BMP1: variants seen among roughly 807,000 people sequenced by gnomAD.
The protein encoded by BMP1 is mammalian tolloid protein.
In BMP1, 63 loss-of-function variants were observed where a neutral mutation model predicts 116.8. That is an observed-to-expected ratio of 0.54 (90% CI 0.44 to 0.67). BMP1 has a LOEUF of 0.67. Among genes scored for constraint, BMP1 ranks in the 30% least tolerant of loss-of-function variants. The pLI is 0.00. For missense variants in BMP1, 1,183 were observed against 1,358.9 expected, an observed-to-expected ratio of 0.87 and a Z score of 2.04; for synonymous variants, 536 against 533.4, an observed-to-expected ratio of 1.00 and a Z score of -0.07.
chr8:22,203,746 G>A (rs1224801137), intron 16 of BMP1, among the ~76,000 whole-genome samples: 2 of 152,128 alleles, frequency 1.3e-5, no homozygotes, highest in Admixed American at 1.3e-4. Flanking sequence ...GTGAACCAGT[G>A]GACAGTCGAG....
intron 18 of BMP1, 93 bp downstream of exon 18, chr8:22,207,609 G>GGACT (rs1829388450): frequency 1.4e-6 from 2 of 1,429,436 alleles, no homozygotes; most frequent in Non-Finnish European, 1.9e-6. Flanking sequence ...AGGTACAGAG[G>GGACT]GACTGAGCCC....
At position 22,197,320 on chromosome 8, in the gene BMP1, GA is replaced by G; in HGVS notation, c.2009del (p.Lys670SerfsTer82). The G allele has an allele frequency of 6.2e-7, 1 of 1,614,090 alleles. No homozygotes were observed. Among genetic ancestry groups the G allele is most frequent in the Non-Finnish European group, 8.5e-7 (1 of 1,179,962 alleles). On this transcript the variant is annotated frameshift_variant, in exon 15 of 20. Coordinates refer to ENST00000306385, the MANE Select transcript of BMP1 (RefSeq NM_006129.5). LOFTEE classifies it high-confidence loss of function. The stretch of plus-strand genomic sequence containing the variant: ...TGCATGGCAAGTTCTGTGGTTCTGA[GA>G]AGCCCGAGGTCATCACCTCCCAGTA... ...KLHGKFCGSE[K>X]PEVITSQYNN... is the part of the protein sequence containing the mutation.
chr8:22,210,310 A>T (rs1829438613), intron 19 of BMP1, among the ~76,000 whole-genome samples: 1 of 150,646 alleles, frequency 6.6e-6, no homozygotes, highest in Non-Finnish European at 1.5e-5. Context: ...GACATGGGCT[A>T]GCCTCGTGGG....
At chr8:22,172,118 A>G (rs1273788648) in intron 1 of BMP1, among the ~76,000 whole-genome samples, 1 of 152,134 alleles carries the variant, frequency 6.6e-6, no homozygotes, top group East Asian at 1.9e-4. Flanking sequence ...CCTGTGTAGA[A>G]GTCTTCAAGG....
rs774608191 is a variant in BMP1 at position 22,211,775 on chromosome 8, G to A, written c.*47G>A. Reference sequence around the variant, plus strand: ...GGACTGGAGCCTGCTGCCCTTGGTCGCCTAGACTGGATAGTGGGGGTGGGC... The same window carrying A: ...GGACTGGAGCCTGCTGCCCTTGGTCACCTAGACTGGATAGTGGGGGTGGGC... On this transcript the variant is annotated 3_prime_UTR_variant, in exon 20 of 20. Transcript: ENST00000306385. 2.7e-5 allele frequency: 44 copies of A among 1,613,072 alleles called. No individual in the cohort carries two copies. The highest frequency in any genetic ancestry group is 4.0e-5 in the African/African-American group (3 of 74,916).
At chr8:22,182,364 G>A (rs187466542) in intron 8 of BMP1, among the ~76,000 whole-genome samples, 199 of 152,206 alleles carry the variant, frequency 1.3e-3, no homozygotes, top group African/African-American at 4.5e-3. Context: ...CTCCAAATTG[G>A]CATTAATCTT....
At chr8:22,167,032 G>T (rs1358279785) in intron 1 of BMP1, among the ~76,000 whole-genome samples, 1 of 152,224 alleles carries the variant, frequency 6.6e-6, no homozygotes, top group Non-Finnish European at 1.5e-5. Flanking sequence ...AGAGTTGGTG[G>T]TAAGGGTTAA....
Position 22,165,394 on chromosome 8 carries a change from C to T in BMP1, c.-12C>T, listed in dbSNP as rs1186227873. The T allele has an allele frequency of 1.4e-6, 2 of 1,453,494 alleles. No homozygotes were observed. Among genetic ancestry groups the T allele is most frequent in the Admixed American group, 3.1e-5 (1 of 31,954 alleles). The allele number at this position is 1,453,494 out of a possible 1,614,324, so 90.0% of individuals were successfully genotyped here. On this transcript the variant is annotated 5_prime_UTR_variant, in exon 1 of 20. Transcript: ENST00000306385. The stretch of plus-strand genomic sequence containing the variant: ...TCCAGTGCGCCGCTTCCCTCGCCGC[C>T]GCCCCGCCAGCATGCCCGGCGTGGC...
At chr8:22,201,260 G>A in intron 15 of BMP1, 1 of 1,566,200 alleles carries the variant, frequency 6.4e-7, no homozygotes, top group Non-Finnish European at 8.6e-7. Flanking sequence ...TGGACGGAAT[G>A]GGATGGGGGC....
intron 16 of BMP1, among the ~76,000 whole-genome samples, chr8:22,203,304 C>T (rs1352558978): frequency 6.6e-6 from 1 of 152,190 alleles, no homozygotes; most frequent in Non-Finnish European, 1.5e-5. Context: ...GCCTGTAATC[C>T]CAGTACTTTG....
At chr8:22,167,754 T>TGGGTCAGATCAGGCCTC (rs1828159028) in intron 1 of BMP1, among the ~76,000 whole-genome samples, 1 of 152,116 alleles carries the variant, frequency 6.6e-6, no homozygotes, top group Non-Finnish European at 1.5e-5. Context: ...GGCCAGGCCT[T>TGGGTCAGATCAGGCCTC]GGGTCAGATC....
chr8:22,192,920 G>T lies in BMP1; in HGVS notation c.1180+769G>T, dbSNP rs141532427. Among the ~76,000 whole-genome samples, 1,238 of 152,300 alleles carry T rather than the reference G, an allele frequency of 8.1e-3. 18 individuals are homozygous for T. Among genetic ancestry groups the T allele is most frequent in the African/African-American group, 0.029 (1,186 of 41,556 alleles). On this transcript the variant is annotated intron_variant, in intron 9 of 19. Transcript: ENST00000306385. ...CCTCAGCCTATGCCTAAAACAGCCAGACGGATATTGCTAACCTCTATTTTC... is the reference window on the plus strand; with the variant it reads ...CCTCAGCCTATGCCTAAAACAGCCATACGGATATTGCTAACCTCTATTTTC...
At chr8:22,173,859 G>A in intron 2 of BMP1, 144 bp downstream of exon 2, 1 of 542,156 alleles carries the variant, frequency 1.8e-6, no homozygotes, top group Non-Finnish European at 3.2e-6. Context: ...TCTTCCCTCG[G>A]GATATCTTCA....
rs1829029354 is a variant in BMP1, at chr8:22,194,699, C to T, written c.1444-25C>T. 6.3e-7 allele frequency: 1 copy of T among 1,593,502 alleles called. No homozygotes were observed. The highest frequency in any genetic ancestry group is 8.6e-7 in the Non-Finnish European group (1 of 1,168,402). On this transcript the variant is annotated intron_variant, in intron 11 of 19. Coordinates refer to ENST00000306385, the MANE Select transcript of BMP1 (RefSeq NM_006129.5). This position sits in a 1 kb window ranked among gnomAD's most constrained non-coding sequence, Gnocchi z 4.5. ...GGGTCTCTGGCAGCCAGAGCCCCTT[C>T]CACTGATGAAGCCTCGACCCCTAGA...
intron 14 of BMP1, 68 bp from the exon 15 acceptor site, chr8:22,197,172 C>G (rs1829116971): frequency 4.5e-6 from 7 of 1,557,684 alleles, no homozygotes; most frequent in Non-Finnish European, 6.1e-6. Context: ...CAGAGAGCTT[C>G]CCGAGGGCAG....
intron 8 of BMP1, among the ~76,000 whole-genome samples, chr8:22,189,171 G>A (rs542271100): frequency 3.3e-5 from 5 of 152,128 alleles, no homozygotes; most frequent in African/African-American, 7.2e-5. Flanking sequence ...AACACTTTCT[G>A]GTGTCTCCTT....
At chr8:22,206,736 A>G in intron 16 of BMP1, 118 bp from the exon 17 acceptor site, 1 of 1,456,828 alleles carries the variant, frequency 6.9e-7, no homozygotes, top group Non-Finnish European at 9.4e-7. Context: ...CATCCAGTTC[A>G]TAAGTGGGAC....
chr8:22,191,200 C>T (rs549757045), intron 8 of BMP1, among the ~76,000 whole-genome samples: 1 of 152,310 alleles, frequency 6.6e-6, no homozygotes, highest in East Asian at 1.9e-4. Flanking sequence ...AGGGTAGGGA[C>T]TCTTCTCCCC....
In BMP1 at chr8:22,209,572, C is replaced by T. The variant is rs772875896; in HGVS notation, c.2703C>T (p.Gly901=). 2.3e-5 allele frequency: 37 copies of T among 1,614,104 alleles called. No individual in the cohort carries two copies. Among genetic ancestry groups the T allele is most frequent in the African/African-American group, 2.3e-4 (17 of 74,944 alleles). ...TCATTGTGGCCGAGGAAGGCTACGGCGTGGAGCTCGTGTTCCAGACCTTTG... is the reference window on the plus strand; with the variant it reads ...TCATTGTGGCCGAGGAAGGCTACGGTGTGGAGCTCGTGTTCCAGACCTTTG... ...EWVIVAEEGY[G]VELVFQTFEV... The change falls in exon 19 of 20, where the codon GGC becomes GGT. Residue 901 remains glycine (G), a synonymous_variant. Transcript: ENST00000306385.
Sources: allele counts gnomAD v4.1 joint callset (sites outside exome capture counted in the v4.1 genomes callset), GRCh38; gene constraint gnomAD v4.1.1; non-coding constraint Gnocchi (gnomAD v3.1); transcripts MANE v1.5; gene names NCBI Gene and HGNC (gene_info 2026-07-23, HGNC 2026-07-21).